Variants in RXFP3 observed in about 807,000 individuals in gnomAD.
RXFP3 encodes relaxin-3 receptor 1.
In RXFP3, 31 loss-of-function variants were observed where a neutral mutation model predicts 27.3. That is an observed-to-expected ratio of 1.13 (90% CI 0.85 to 1.53). The LOEUF is 1.53. Among genes scored for constraint, RXFP3 ranks in the 40% most tolerant of loss-of-function variants. The pLI is 0.00. For missense variants in RXFP3, 684 were observed against 642.1 expected (o/e 1.07, Z -0.70); for synonymous variants, 351 against 293.6 (o/e 1.20, Z -2.00).
In RXFP3 at chr5:33,938,504, C is replaced by A. The variant is rs1259644696; in HGVS notation, c.*354C>A. The stretch of plus-strand genomic sequence containing the variant: ...CAGCAAAAATGTAGAGAAATTGGCA[C>A]GGGGAGCGGGGCTTAGCCAAATGAT... On this transcript the variant is annotated 3_prime_UTR_variant, in exon 1 of 1. Transcript: ENST00000330120. 2.0e-5 allele frequency among the ~76,000 whole-genome samples: 3 copies of A among 152,154 alleles called. No individual in the cohort carries two copies. The highest frequency in any genetic ancestry group is 2.0e-4 in the Admixed American group (3 of 15,274).
rs201917378 is a variant in RXFP3, at chr5:33,937,314, C to A, written c.574C>A (p.Arg192=). The change falls in exon 1 of 1, where the codon CGG becomes AGG. Residue 192 remains arginine (R), a synonymous_variant. Coordinates refer to ENST00000330120, the MANE Select transcript of RXFP3 (RefSeq NM_016568.3). ...GGTGGCCTCGGCTCTGAAGAGCCACCGGACCCGAGGACACGGCCGGGGCGA... is the reference window on the plus strand; with the variant it reads ...GGTGGCCTCGGCTCTGAAGAGCCACAGGACCCGAGGACACGGCCGGGGCGA... ...HSVASALKSH[R]TRGHGRGDCC... 35 of 1,612,826 alleles carry A rather than the reference C, an allele frequency of 2.2e-5. No individual in the cohort carries two copies. The highest frequency in any genetic ancestry group is 8.8e-5 in the South Asian group (8 of 91,070).
rs1368645693 is a variant in RXFP3, at chr5:33,938,036, G to C, written c.1296G>C (p.Gln432His). The change falls in exon 1 of 1, where the codon CAG becomes CAC. Residue 432 changes from glutamine (Q) to histidine (H), a missense_variant. Transcript: ENST00000330120. ...TKPEHEDQGL[Q>H]APAPPHAAAE... ...CGGAGCACGAGGATCAGGGGCTGCAGGCCCCGGCGCCGCCCCACGCGGCCG... is the reference window on the plus strand; with the variant it reads ...CGGAGCACGAGGATCAGGGGCTGCACGCCCCGGCGCCGCCCCACGCGGCCG... 1.9e-6 allele frequency: 3 copies of C among 1,612,242 alleles called. No homozygotes were observed. In the East Asian group the frequency reaches 6.7e-5, roughly 36 times the overall value.
Position 33,937,900 on chromosome 5 carries a change from T to G in RXFP3, c.1160T>G (p.Val387Gly). Residue 387 changes from valine to glycine, a missense_variant, in exon 1 of 1, where the codon GTC (valine) becomes GGC (glycine). By Grantham distance (109) the Val-to-Gly change is moderately radical. Transcript: ENST00000330120. ...LAHSNSCLNP[V>G]LYCLVRREFR... ...CACTCCAACAGCTGCCTCAACCCCG[T>G]CCTCTACTGCCTCGTGCGCCGCGAG... 6.2e-7 allele frequency: 1 copy of G among 1,613,868 alleles called. No homozygotes were observed. Among genetic ancestry groups the G allele is most frequent in the African/African-American group, 1.3e-5 (1 of 75,048 alleles).
chr5:33,937,654 G>A lies in RXFP3; in HGVS notation c.914G>A (p.Gly305Glu), dbSNP rs145701684. Residue 305 changes from glycine (G) to glutamate (E), a missense_variant, in exon 1 of 1, where the codon GGG (glycine) becomes GAG (glutamate). Transcript: ENST00000330120. ...ADRRAAGTKG[G>E]AAVAGGRPTG... ...CGCCGCGCGGCGGGGACCAAAGGAG[G>A]GGCCGCGGTAGCCGGAGGACGCCCG... The A allele has an allele frequency of 4.7e-4, 750 of 1,604,908 alleles. No homozygotes were observed. Among genetic ancestry groups the A allele is most frequent in the Middle Eastern group, 1.3e-3 (8 of 5,938 alleles).
rs757154399 is a variant in RXFP3, at chr5:33,938,048, G to A, written c.1308G>A (p.Pro436=). 6.2e-7 allele frequency: 1 copy of A among 1,611,594 alleles called. No homozygotes were observed. The highest frequency in any genetic ancestry group is 1.7e-5 in the Admixed American group (1 of 59,966). ...ATCAGGGGCTGCAGGCCCCGGCGCC[G>A]CCCCACGCGGCCGCGGAGCCGGACC... ...HEDQGLQAPA[P]PHAAAEPDLL... is the part of the protein sequence containing the mutation. Residue 436 remains proline, a synonymous_variant, in exon 1 of 1, where the codon CCG becomes CCA. Transcript: ENST00000330120.
Position 33,937,605 on chromosome 5 carries a change from C to T in RXFP3, c.865C>T (p.Leu289=), listed in dbSNP as rs577580260. Residue 289 remains leucine (L), a synonymous_variant, in exon 1 of 1, where the codon CTG becomes TTG. Transcript: ENST00000330120. ...GGGCATCATTATCTTGTGCTACCTG[C>T]TGCTGGTGCGCTTCATCGCCGACCG... The part of the protein sequence containing the change: ...PLGIIILCYL[L]LVRFIADRRA... 13 of 1,576,848 alleles carry T rather than the reference C, an allele frequency of 8.2e-6. No individual in the cohort carries two copies. Among genetic ancestry groups the T allele is most frequent in the East Asian group, 7.1e-5 (3 of 42,504 alleles).
Position 33,936,860 on chromosome 5 carries a change from C to T in RXFP3, c.120C>T (p.Asn40=), listed in dbSNP as rs759874702. 21 of 1,597,964 alleles carry T rather than the reference C, an allele frequency of 1.3e-5. No individual in the cohort carries two copies. Among genetic ancestry groups the T allele is most frequent in the Non-Finnish European group, 1.8e-5 (21 of 1,168,616 alleles). ...DLLEAANTSG[N]ASLQLPDLWW... ...TGGAGGCGGCCAACACGAGTGGTAA[C>T]GCGTCGCTGCAGCTTCCGGACTTGT... The change falls in exon 1 of 1, where the codon AAC becomes AAT. Residue 40 remains asparagine, a synonymous_variant. Coordinates refer to ENST00000330120, the MANE Select transcript of RXFP3 (RefSeq NM_016568.3).
Position 33,937,596 on chromosome 5 carries a change from T to C in RXFP3, c.856T>C (p.Cys286Arg), listed in dbSNP as rs1000332192. The C allele has an allele frequency of 1.9e-6, 3 of 1,572,196 alleles. No homozygotes were observed. Among genetic ancestry groups the C allele is most frequent in the Non-Finnish European group, 2.6e-6 (3 of 1,158,952 alleles). Residue 286 changes from cysteine (C) to arginine (R), a missense_variant, in exon 1 of 1, where the codon TGC becomes CGC. By Grantham distance (180) the Cys-to-Arg change is radical (BLOSUM62 -3). Coordinates refer to ENST00000330120, the MANE Select transcript of RXFP3 (RefSeq NM_016568.3). ...FVLPLGIIIL[C>R]YLLLVRFIAD... is the part of the protein sequence containing the mutation. The stretch of plus-strand genomic sequence containing the variant: ...GCTGCCGCTGGGCATCATTATCTTG[T>C]GCTACCTGCTGCTGGTGCGCTTCAT...
chr5:33,937,929 C>T lies in RXFP3; in HGVS notation c.1189C>T (p.Arg397Cys), dbSNP rs1239655960. The T allele has an allele frequency of 3.1e-6, 5 of 1,613,648 alleles. No homozygotes were observed. The highest frequency in any genetic ancestry group is 1.3e-5 in the African/African-American group (1 of 75,070). Residue 397 changes from arginine (R) to cysteine (C), a missense_variant, in exon 1 of 1, where the codon CGC becomes TGC. Coordinates refer to ENST00000330120, the MANE Select transcript of RXFP3 (RefSeq NM_016568.3). ...VLYCLVRREFRKALKSLLWRI... is the reference protein window; with the variant it reads ...VLYCLVRREFCKALKSLLWRI... Reference sequence around the variant, plus strand: ...CTACTGCCTCGTGCGCCGCGAGTTCCGCAAGGCGCTCAAGAGCCTGCTGTG... The same window carrying T: ...CTACTGCCTCGTGCGCCGCGAGTTCTGCAAGGCGCTCAAGAGCCTGCTGTG...
Position 33,938,297 on chromosome 5 carries a change from T to A in RXFP3, c.*147T>A. On this transcript the variant is annotated 3_prime_UTR_variant, in exon 1 of 1. Transcript: ENST00000330120. ...GGGCAGAGCATGGAGGAGGAGCCTG[T>A]GGATAGGCCGAGGACCTTCTCTGGA... 1 of 702,128 alleles carries A rather than the reference T, an allele frequency of 1.4e-6. No homozygotes were observed. The allele number at this position is 702,128 out of a possible 1,614,324, so 43.5% of individuals were successfully genotyped here.
Position 33,937,909 on chromosome 5 carries a change from G to T in RXFP3, c.1169G>T (p.Cys390Phe), listed in dbSNP as rs781466807. 1 of 1,613,764 alleles carries T rather than the reference G, an allele frequency of 6.2e-7. No homozygotes were observed. ...SNSCLNPVLYCLVRREFRKAL... is the reference protein window; with the variant it reads ...SNSCLNPVLYFLVRREFRKAL... ...AGCTGCCTCAACCCCGTCCTCTACT[G>T]CCTCGTGCGCCGCGAGTTCCGCAAG... is the stretch of plus-strand genomic sequence containing the variant. The change falls in exon 1 of 1, where the codon TGC becomes TTC. Residue 390 changes from cysteine to phenylalanine, a missense_variant. Physicochemically the swap from Cys to Phe is radical, Grantham distance 205. Transcript: ENST00000330120.
In RXFP3 at chr5:33,937,112, G is replaced by A. The variant is rs760285619; in HGVS notation, c.372G>A (p.Leu124=). 1.2e-5 allele frequency: 20 copies of A among 1,613,248 alleles called. No individual in the cohort carries two copies. Among genetic ancestry groups the A allele is most frequent in the East Asian group, 1.1e-4 (5 of 44,830 alleles). ...KSSINLFVTN[L]ALTDFQFVLT... ...CTATCAACCTCTTCGTCACCAACCT[G>A]GCGCTGACGGACTTTCAGTTTGTGC... Residue 124 remains leucine, a synonymous_variant, in exon 1 of 1, where the codon CTG becomes CTA. Coordinates refer to ENST00000330120, the MANE Select transcript of RXFP3 (RefSeq NM_016568.3).
rs761844572 is a variant in RXFP3 at position 33,938,199 on chromosome 5, C to T, written c.*49C>T. On this transcript the variant is annotated 3_prime_UTR_variant, in exon 1 of 1. Coordinates refer to ENST00000330120, the MANE Select transcript of RXFP3 (RefSeq NM_016568.3). ...GCCGTCGGGGCAAGGTGGCCTTCCC[C>T]GGGCGGTAAAGAGGTGAAAGGATGA... 3 of 1,504,688 alleles carry T rather than the reference C, an allele frequency of 2.0e-6. No individual in the cohort carries two copies. Among genetic ancestry groups the T allele is most frequent in the South Asian group, 1.3e-5 (1 of 76,200 alleles). 93.2% of individuals were successfully genotyped at this position (1,504,688 alleles called of 1,614,324 possible). A position where few individuals can be genotyped will look rare whatever the true frequency, so the allele number is the denominator to read the frequency against.
In RXFP3 at chr5:33,937,875, C is replaced by CA; in HGVS notation, c.1136dup (p.His379GlnfsTer117). The CA allele has an allele frequency of 6.2e-7, 1 of 1,614,052 alleles. No individual in the cohort carries two copies. Among genetic ancestry groups the CA allele is most frequent in the South Asian group, 1.1e-5 (1 of 91,080 alleles). On this transcript the variant is annotated frameshift_variant, in exon 1 of 1. Coordinates refer to ENST00000330120, the MANE Select transcript of RXFP3 (RefSeq NM_016568.3). LOFTEE classifies it high-confidence loss of function. The stretch of plus-strand genomic sequence containing the variant: ...GTTCCCTGTGAGCGTGTGCCTAGCG[C>CA]ACTCCAACAGCTGCCTCAACCCCGT...
chr5:33,937,714 C>T lies in RXFP3; in HGVS notation c.974C>T (p.Thr325Ile). 1 of 1,613,688 alleles carries T rather than the reference C, an allele frequency of 6.2e-7. No individual in the cohort carries two copies. Among genetic ancestry groups the T allele is most frequent in the Non-Finnish European group, 8.5e-7 (1 of 1,179,940 alleles). ...GASARRLSKV[T>I]KSVTIVVLSF... is the part of the protein sequence containing the mutation. ...AGCGCCCGGAGACTGTCGAAGGTCA[C>T]CAAATCAGTGACCATCGTTGTCCTG... Residue 325 changes from threonine (T) to isoleucine (I), a missense_variant, in exon 1 of 1, where the codon ACC (threonine) becomes ATC (isoleucine). By Grantham distance (89) the Thr-to-Ile change is moderately conservative. Transcript: ENST00000330120.
rs772356729 is a variant in RXFP3 at position 33,936,934 on chromosome 5, C to A, written c.194C>A (p.Pro65His). 2.5e-6 allele frequency: 4 copies of A among 1,602,130 alleles called. No individual in the cohort carries two copies. The highest frequency in any genetic ancestry group is 4.5e-5 in the East Asian group (2 of 44,476). ...CCGGACGGCGCGCCGCCAGGACATC[C>A]CCCGGGCAGCGGCGGGGCAGAGAGC... ...ELPDGAPPGH[P>H]PGSGGAESAD... Residue 65 changes from proline to histidine, a missense_variant, in exon 1 of 1, where the codon CCC (proline) becomes CAC (histidine). Coordinates refer to ENST00000330120, the MANE Select transcript of RXFP3 (RefSeq NM_016568.3).
chr5:33,938,249 T>A lies in RXFP3; in HGVS notation c.*99T>A. ...AAGGAGGGCTGGGGGGGGCCCCATT[T>A]AAGAAGTAGGTGGGAGGAGGATGGG... On this transcript the variant is annotated 3_prime_UTR_variant, in exon 1 of 1. Transcript: ENST00000330120. 2 of 1,086,388 alleles carry A rather than the reference T, an allele frequency of 1.8e-6. No individual in the cohort carries two copies. Among genetic ancestry groups the A allele is most frequent in the Non-Finnish European group, 2.6e-6 (2 of 762,918 alleles). 67.3% of individuals were successfully genotyped at this position (1,086,388 alleles called of 1,614,324 possible).
At position 33,936,496 on chromosome 5, in the gene RXFP3, G is replaced by T. The variant is rs1263513971; in HGVS notation, c.-245G>T. On this transcript the variant is annotated 5_prime_UTR_variant, in exon 1 of 1. Coordinates refer to ENST00000330120, the MANE Select transcript of RXFP3 (RefSeq NM_016568.3). ...CTTGGCCTGAGAACCCTTGGACGCCGAGTGCTTGCCTTACGGGCTGCACTC... is the reference window on the plus strand; with the variant it reads ...CTTGGCCTGAGAACCCTTGGACGCCTAGTGCTTGCCTTACGGGCTGCACTC... 4 of 410,362 alleles carry T rather than the reference G, an allele frequency of 9.7e-6. No individual in the cohort carries two copies. Among genetic ancestry groups the T allele is most frequent in the Non-Finnish European group, 1.7e-5 (4 of 232,432 alleles). The allele number at this position is 410,362 out of a possible 1,614,324, so 25.4% of individuals were successfully genotyped here.
chr5:33,937,049 C>G lies in RXFP3; in HGVS notation c.309C>G (p.Leu103=), dbSNP rs750964134. ...GGTTGGCGGGCAACCTGCTGGTTCT[C>G]TACCTGATGAAGAGCATGCAGGGCT... The part of the protein sequence containing the change: ...ALGLAGNLLV[L]YLMKSMQGWR... Residue 103 remains leucine (L), a synonymous_variant, in exon 1 of 1, where the codon CTC becomes CTG. Transcript: ENST00000330120. 6.2e-7 allele frequency: 1 copy of G among 1,614,232 alleles called. No individual in the cohort carries two copies. Among genetic ancestry groups the G allele is most frequent in the South Asian group, 1.1e-5 (1 of 91,084 alleles).
Sources: gnomAD v4.1 joint callset for allele counts (sites outside exome capture counted in the v4.1 genomes callset) on GRCh38, gnomAD v4.1.1 for gene constraint, MANE v1.5 for transcripts, NCBI Gene and HGNC (gene_info 2026-07-23, HGNC 2026-07-21) for gene names.